Variants in VIPR2 observed in about 807,000 individuals in gnomAD.
The protein encoded by VIPR2 is vasoactive intestinal peptide receptor 2, also known as vasoactive intestinal polypeptide receptor 2.
VIPR2 carries 48 observed loss-of-function variants against 58.0 expected under a neutral mutation model. That is an observed-to-expected ratio of 0.83 (90% CI 0.66 to 1.05). VIPR2 has a LOEUF of 1.05. Among genes scored for constraint, VIPR2 ranks in the 50% least tolerant of loss-of-function variants. The pLI is 0.00. For missense variants in VIPR2, 534 were observed against 558.0 expected (o/e 0.96, Z 0.43); for synonymous variants, 243 against 235.2 (o/e 1.03, Z -0.30).
In VIPR2 at chr7:159,142,490, G is replaced by A. The variant is rs1327478976; in HGVS notation, c.107C>T (p.Thr36Ile). ...AGACCTCAGAAGCTCTGCACATTTTGTTTCTTCCTCCTGTATTTCCAGATG... is the reference window on the plus strand; with the variant it reads ...AGACCTCAGAAGCTCTGCACATTTTATTTCTTCCTCCTGTATTTCCAGATG... ...RFHLEIQEEE[T>I]KCAELLRSQT... The change falls in exon 2 of 13, where the codon ACA (threonine) becomes ATA (isoleucine). Residue 36 changes from threonine (T) to isoleucine (I), a missense_variant. This residue lies in a region of VIPR2 where 224 missense variants were observed against 255.7 expected (regional missense o/e 0.88). Transcript: ENST00000262178. 1 of 1,613,920 alleles carries A rather than the reference G, an allele frequency of 6.2e-7. No individual in the cohort carries two copies. Among genetic ancestry groups the A allele is most frequent in the Admixed American group, 1.7e-5 (1 of 59,990 alleles).
intron 6 of VIPR2, among the ~76,000 whole-genome samples, chr7:159,042,359 C>A (rs570377609): frequency 1.3e-5 from 2 of 152,106 alleles, no homozygotes; most frequent in African/African-American, 4.8e-5. Flanking sequence ...CTTGGTAGAA[C>A]GGCCTGCATG....
chr7:159,144,513 A>G, intron 1 of VIPR2: 2 of 1,525,918 alleles, frequency 1.3e-6, no homozygotes, highest in Non-Finnish European at 1.8e-6. Context: ...TCCCAACCCG[A>G]GTCCCGCAAC....
chr7:159,084,607 G>T (rs1281668715), intron 4 of VIPR2, among the ~76,000 whole-genome samples: 2 of 152,254 alleles, frequency 1.3e-5, no homozygotes, highest in African/African-American at 4.8e-5. Context: ...CCTGGTCAGT[G>T]TCTGCAGGGC....
At chr7:159,075,193 T>G (rs550808588) in intron 4 of VIPR2, among the ~76,000 whole-genome samples, 1 of 152,198 alleles carries the variant, frequency 6.6e-6, no homozygotes, top group South Asian at 2.1e-4. Flanking sequence ...GACCTTTGCC[T>G]GTGAGTCAAT....
intron 3 of VIPR2, among the ~76,000 whole-genome samples, chr7:159,104,540 CCAGCAA>C (rs1858519778): frequency 6.9e-6 from 1 of 144,590 alleles, no homozygotes; most frequent in African/African-American, 2.6e-5. Flanking sequence ...CTCCCTCCTC[CCAGCAA>C]TGCCCTCCCT....
At chr7:159,037,477 G>C (rs1295865940) in intron 6 of VIPR2, among the ~76,000 whole-genome samples, 1 of 152,218 alleles carries the variant, frequency 6.6e-6, no homozygotes, top group African/African-American at 2.4e-5. Flanking sequence ...GGTGAGCAGC[G>C]CCTGGGAAGA....
rs1857895838 is a variant in VIPR2, at chr7:159,097,004, C to T, written c.357+6753G>A. The T allele has an allele frequency of 1.3e-6, 2 of 1,550,586 alleles. No homozygotes were observed. Among genetic ancestry groups the T allele is most frequent in the Non-Finnish European group, 8.7e-7 (1 of 1,146,992 alleles). On this transcript the variant is annotated intron_variant, in intron 4 of 12. Coordinates refer to ENST00000262178, the MANE Select transcript of VIPR2 (RefSeq NM_003382.5). This position sits in a 1 kb window ranked among gnomAD's most constrained non-coding sequence, Gnocchi z 5.3. ...GGGGAGGCTTCCTTCAGAAAAGCTGCTGCTCTCAGAGGTGATTTGGGGCAG... is the reference window on the plus strand; with the variant it reads ...GGGGAGGCTTCCTTCAGAAAAGCTGTTGCTCTCAGAGGTGATTTGGGGCAG...
chr7:159,084,590 G>A lies in VIPR2; in HGVS notation c.357+19167C>T, dbSNP rs538255978. On this transcript the variant is annotated intron_variant, in intron 4 of 12. Transcript: ENST00000262178. ...CTATGCCTGTGCAATGGCAGGCAAG[G>A]TCAGTCCCTGGTCAGTGTCTGCAGG... Among the ~76,000 whole-genome samples the A allele has an allele frequency of 3.3e-5, 5 of 152,192 alleles. No individual in the cohort carries two copies. The East Asian group carries it at 5.8e-4, about 18-fold the overall frequency.
rs773112968 is a variant in VIPR2 at position 159,096,877 on chromosome 7, C to T, written c.357+6880G>A. The T allele has an allele frequency of 1.3e-6, 2 of 1,548,160 alleles. No homozygotes were observed. The highest frequency in any genetic ancestry group is 1.7e-6 in the Non-Finnish European group (2 of 1,145,720). On this transcript the variant is annotated intron_variant, in intron 4 of 12. Coordinates refer to ENST00000262178, the MANE Select transcript of VIPR2 (RefSeq NM_003382.5). The surrounding 1 kb of genome is among the most constrained non-coding windows in gnomAD (Gnocchi z 5.5). ...GTACTGTGTCCATGGCTGAGACCAC[C>T]CTCTCTGTGGCCGCCTTGCTGTCCC...
chr7:159,090,649 A>G (rs1375061538), intron 4 of VIPR2, among the ~76,000 whole-genome samples: 2 of 132,696 alleles, frequency 1.5e-5, no homozygotes, highest in Non-Finnish European at 3.1e-5. Flanking sequence ...TGACCATCAC[A>G]ATCCCCAGTG....
intron 8 of VIPR2, 134 bp from the exon 9 acceptor site, chr7:159,034,784 T>C: frequency 1.4e-6 from 1 of 715,992 alleles, no homozygotes; most frequent in Non-Finnish European, 2.5e-6. Flanking sequence ...CACTGACAGA[T>C]CGTAAAGGAA....
intron 8 of VIPR2, among the ~76,000 whole-genome samples, chr7:159,035,576 CG>C (rs951346888): frequency 6.6e-6 from 1 of 152,150 alleles, no homozygotes; most frequent in Non-Finnish European, 1.5e-5. Flanking sequence ...TAGGAAGTGC[CG>C]GGGGGCCCTG....
Position 159,088,701 on chromosome 7 carries a change from C to T in VIPR2, c.357+15056G>A, listed in dbSNP as rs149637351. 1.4e-3 allele frequency among the ~76,000 whole-genome samples: 218 copies of T among 152,348 alleles called. 2 individuals are homozygous for T. In the East Asian group the frequency reaches 0.027, roughly 19 times the overall value. On this transcript the variant is annotated intron_variant, in intron 4 of 12. Transcript: ENST00000262178. Reference sequence around the variant, plus strand: ...CTGAGCTGGAGAGGGAATCACACAGCGGTGGCAGCACGGCCTGCACCACGG... The same window carrying T: ...CTGAGCTGGAGAGGGAATCACACAGTGGTGGCAGCACGGCCTGCACCACGG...
chr7:159,124,365 C>T (rs868389020), intron 2 of VIPR2, among the ~76,000 whole-genome samples: 34 of 152,126 alleles, frequency 2.2e-4, no homozygotes, highest in African/African-American at 7.0e-4. Flanking sequence ...CCACATATGA[C>T]TAGCCAGTTA....
chr7:159,128,058 C>T lies in VIPR2; in HGVS notation c.151+14388G>A, dbSNP rs3812308. The stretch of plus-strand genomic sequence containing the variant: ...CCCCCACCTTGCAGCAGGGCCTGAC[C>T]GTGGGTCTCGGCAGGAATGGAGCCA... On this transcript the variant is annotated intron_variant, in intron 2 of 12. Coordinates refer to ENST00000262178, the MANE Select transcript of VIPR2 (RefSeq NM_003382.5). This position sits in a 1 kb window ranked among gnomAD's most constrained non-coding sequence, Gnocchi z 4.1. Among the ~76,000 whole-genome samples the T allele has an allele frequency of 0.084, 12,819 of 152,208 alleles. 578 individuals are homozygous for T. The highest frequency in any genetic ancestry group is 0.14 in the Middle Eastern group (41 of 294).
chr7:159,123,012 C>G (rs777676595), intron 2 of VIPR2, among the ~76,000 whole-genome samples: 2 of 152,090 alleles, frequency 1.3e-5, no homozygotes, highest in African/African-American at 4.8e-5. Context: ...GACCCAGTGT[C>G]GGCCGGGCGC....
intron 1 of VIPR2, among the ~76,000 whole-genome samples, chr7:159,142,960 T>C (rs1467556849): frequency 6.6e-6 from 1 of 152,242 alleles, no homozygotes; most frequent in African/African-American, 2.4e-5. Flanking sequence ...AGAGCCGTGA[T>C]AGAAGGGCTT....
chr7:159,042,506 C>CTTAT (rs1244847688), intron 6 of VIPR2, among the ~76,000 whole-genome samples: 1 of 152,168 alleles, frequency 6.6e-6, no homozygotes, highest in Non-Finnish European at 1.5e-5. Flanking sequence ...TTTGTAGGAA[C>CTTAT]TAATAATTAA....
chr7:159,030,724 G>C lies in VIPR2; in HGVS notation c.1209C>G (p.Tyr403Ter), dbSNP rs760856342. 1 of 1,596,050 alleles carries C rather than the reference G, an allele frequency of 6.3e-7. No individual in the cohort carries two copies. The highest frequency in any genetic ancestry group is 8.5e-7 in the Non-Finnish European group (1 of 1,172,740). The change falls in exon 13 of 13, where the codon TAC becomes TAG. Residue 403 changes from tyrosine (Y) to a stop codon, truncating the protein, a stop_gained. Coordinates refer to ENST00000262178, the MANE Select transcript of VIPR2 (RefSeq NM_003382.5). LOFTEE classifies it high-confidence loss of function. ...GGGAGAAGGAGGAACCGCAGACCCT[G>C]TAATCCCGGCTCGCGGACGGGGTCG... ...RCPTPSASRDYRVCGSSFSRN... is the reference protein window; with the variant it reads ...RCPTPSASRD
Sources: gnomAD v4.1 joint callset for allele counts (sites outside exome capture counted in the v4.1 genomes callset) on GRCh38, gnomAD v4.1.1 for gene constraint, gnomAD v4.1.1 regional missense constraint, Gnocchi (gnomAD v3.1) non-coding constraint, MANE v1.5 for transcripts, NCBI Gene and HGNC (gene_info 2026-07-23, HGNC 2026-07-21) for gene names.